The following GPR179 variants were observed in gnomAD, a reference collection of about 807,000 sequenced individuals.
The protein encoded by GPR179 is G protein-coupled receptor 179.
Under a neutral mutation model 70.8 loss-of-function variants are expected in GPR179, and 52 were observed. That is an observed-to-expected ratio of 0.73 (90% CI 0.59 to 0.93). The LOEUF (loss-of-function observed/expected upper bound fraction) is 0.93. GPR179 is among the 40% of genes least tolerant of loss of function. GPR179 has a pLI of 0.00. For synonymous variants in GPR179, 1,123 were observed against 1,169.0 expected (o/e 0.96, Z 0.80); for missense variants, 2,734 against 2,966.8 (o/e 0.92, Z 1.82).
Position 38,326,815 on chromosome 17 carries a change from C to T in GPR179, c.6754G>A (p.Glu2252Lys), listed in dbSNP as rs752903433. Residue 2252 changes from glutamate to lysine, a missense_variant, in exon 11 of 11, where the codon GAG becomes AAG. Transcript: ENST00000616987. ...GTTAAAGCCAGGAGGCCAGATTCCT[C>T]AGATGGGACTCCAGTTTCCTCCCCA... ...CPGEETGVPS[E>K]ESGLLALTAT... is the part of the protein sequence containing the mutation. 2.5e-6 allele frequency: 4 copies of T among 1,614,106 alleles called. No individual in the cohort carries two copies. Among genetic ancestry groups the T allele is most frequent in the Admixed American group, 1.7e-5 (1 of 60,014 alleles).
Position 38,328,579 on chromosome 17 carries a change from G to A in GPR179, c.4990C>T (p.Arg1664Cys), listed in dbSNP as rs200622631. ...VDPGSFSPQP[R>C]PQDTERPQTL... Reference sequence around the variant, plus strand: ...TGGGGTCTCTCTGTGTCTTGAGGACGTGGTTGTGGGGAGAAGCTGCCAGGG... The same window carrying A: ...TGGGGTCTCTCTGTGTCTTGAGGACATGGTTGTGGGGAGAAGCTGCCAGGG... Residue 1664 changes from arginine to cysteine, a missense_variant, in exon 11 of 11, where the codon CGT becomes TGT. Physicochemically the swap from Arg to Cys is radical, Grantham distance 180. Transcript: ENST00000616987. 1.7e-4 allele frequency: 268 copies of A among 1,614,122 alleles called. 1 individual carries two copies. The Middle Eastern group carries it at 2.3e-3, about 14-fold the overall frequency.
Position 38,329,222 on chromosome 17 carries a change from T to C in GPR179, c.4347A>G (p.Ser1449=). The change falls in exon 11 of 11, where the codon TCA becomes TCG. Residue 1449 remains serine (S), a synonymous_variant. Coordinates refer to ENST00000616987, the MANE Select transcript of GPR179 (RefSeq NM_001004334.4). ...SAVSIQAPGS[S]ECSGSLGSGI... ...CACTGCCCAAACTCCCTGAACACTCTGAGCTTCCTGGGGCCTGAATTGAGA... is the reference window on the plus strand; with the variant it reads ...CACTGCCCAAACTCCCTGAACACTCCGAGCTTCCTGGGGCCTGAATTGAGA... 6.2e-7 allele frequency: 1 copy of C among 1,613,920 alleles called. No individual in the cohort carries two copies. The highest frequency in any genetic ancestry group is 1.1e-5 in the South Asian group (1 of 91,026).
chr17:38,335,889 A>G (rs1307695805), intron 5 of GPR179, among the ~76,000 whole-genome samples, 187 bp downstream of exon 5: 1 of 152,216 alleles, frequency 6.6e-6, no homozygotes, highest in Non-Finnish European at 1.5e-5. Context: ...CAAGTCACAG[A>G]GCTCCTAATA....
chr17:38,328,010 A>G lies in GPR179; in HGVS notation c.5559T>C (p.Thr1853=), dbSNP rs754251603. 1.9e-6 allele frequency: 3 copies of G among 1,614,084 alleles called. No individual in the cohort carries two copies. Among genetic ancestry groups the G allele is most frequent in the South Asian group, 2.2e-5 (2 of 91,072 alleles). ...REKALEKGRL[T]SLGEDVSKGM... ...CTTTTGATACGTCTTCTCCCAGGGA[A>G]GTGAGTCTCCCCTTTTCTAGAGCTT... The change falls in exon 11 of 11, where the codon ACT becomes ACC. Residue 1853 remains threonine, a synonymous_variant. Coordinates refer to ENST00000616987, the MANE Select transcript of GPR179 (RefSeq NM_001004334.4).
intron 6 of GPR179, 137 bp downstream of exon 6, chr17:38,335,454 A>G: frequency 1.3e-6 from 1 of 769,268 alleles, no homozygotes; most frequent in Non-Finnish European, 2.2e-6. Context: ...AGACAAGGCT[A>G]TGGTGATGGG....
rs944624145 is a variant in GPR179 at position 38,326,483 on chromosome 17, A to G, written c.7086T>C (p.Tyr2362=). Residue 2362 remains tyrosine, a synonymous_variant, in exon 11 of 11, where the codon TAT becomes TAC. Coordinates refer to ENST00000616987, the MANE Select transcript of GPR179 (RefSeq NM_001004334.4). ...QYEEFTPPTV[Y]PWDWE ...AAGGCTGTTACTCCCAATCCCAAGGATAGACAGTGGGAGGGGTGAATTCTT... is the reference window on the plus strand; with the variant it reads ...AAGGCTGTTACTCCCAATCCCAAGGGTAGACAGTGGGAGGGGTGAATTCTT... The G allele has an allele frequency of 6.2e-7, 1 of 1,608,544 alleles. No homozygotes were observed. The highest frequency in any genetic ancestry group is 8.5e-7 in the Non-Finnish European group (1 of 1,175,778).
Position 38,334,629 on chromosome 17 carries a change from G to A in GPR179, c.1784+75C>T. 1.3e-6 allele frequency: 2 copies of A among 1,547,044 alleles called. No individual in the cohort carries two copies. Among genetic ancestry groups the A allele is most frequent in the Non-Finnish European group, 1.8e-6 (2 of 1,126,818 alleles). Reference sequence around the variant, plus strand: ...AGTGTTGCCAGGATGGCATGGGATGGGGGCACCTCACCTGGGAGAGGTGAG... The same window carrying A: ...AGTGTTGCCAGGATGGCATGGGATGAGGGCACCTCACCTGGGAGAGGTGAG... On this transcript the variant is annotated intron_variant, in intron 8 of 10. Coordinates refer to ENST00000616987, the MANE Select transcript of GPR179 (RefSeq NM_001004334.4). The surrounding 1 kb of genome is among the most constrained non-coding windows in gnomAD (Gnocchi z 4.7).
Position 38,334,935 on chromosome 17 carries a change from G to C in GPR179, c.1646-93C>G, listed in dbSNP as rs1030916472. The C allele has an allele frequency of 1.3e-6, 2 of 1,591,296 alleles. No homozygotes were observed. The highest frequency in any genetic ancestry group is 8.6e-7 in the Non-Finnish European group (1 of 1,163,930). On this transcript the variant is annotated intron_variant, in intron 7 of 10. Coordinates refer to ENST00000616987, the MANE Select transcript of GPR179 (RefSeq NM_001004334.4). This position sits in a 1 kb window ranked among gnomAD's most constrained non-coding sequence, Gnocchi z 4.7. The stretch of plus-strand genomic sequence containing the variant: ...GATGTGCTGGGGGGAGCCTGGGCTC[G>C]GGGTCTGGGGACAAGTCAGGAGAAC...
At position 38,331,259 on chromosome 17, in the gene GPR179, C is replaced by T; in HGVS notation, c.2310G>A (p.Lys770=). Residue 770 remains lysine (K), a synonymous_variant, in exon 11 of 11, where the codon AAG becomes AAA. Coordinates refer to ENST00000616987, the MANE Select transcript of GPR179 (RefSeq NM_001004334.4). The part of the protein sequence containing the change: ...QEPEGTPALH[K]SRSTYDQRRE... ...TGCGCTGGTCATAGGTGCTGCGGGACTTGTGCAGAGCTGGTGTCCCCTCGG... is the reference window on the plus strand; with the variant it reads ...TGCGCTGGTCATAGGTGCTGCGGGATTTGTGCAGAGCTGGTGTCCCCTCGG... The T allele has an allele frequency of 6.3e-7, 1 of 1,589,900 alleles. No homozygotes were observed. The highest frequency in any genetic ancestry group is 8.6e-7 in the Non-Finnish European group (1 of 1,168,964).
chr17:38,327,928 A>AG lies in GPR179; in HGVS notation c.5640dup (p.Arg1882GlufsTer19), dbSNP rs1173572316. The AG allele has an allele frequency of 6.2e-7, 1 of 1,614,156 alleles. No individual in the cohort carries two copies. Among genetic ancestry groups the AG allele is most frequent in the South Asian group, 1.1e-5 (1 of 91,080 alleles). ...GGGGCCTGAGCAGGGGATTCCCTCA[A>AG]GTCCTTGTTCTCCCAAATACAAATA... On this transcript the variant is annotated frameshift_variant, in exon 11 of 11. Transcript: ENST00000616987. LOFTEE classifies it low-confidence loss of function (END_TRUNC).
intron 1 of GPR179, among the ~76,000 whole-genome samples, chr17:38,342,094 G>A (rs2037453419): frequency 6.6e-6 from 1 of 151,976 alleles, no homozygotes; most frequent in Admixed American, 6.6e-5. Context: ...TATAGCCTGG[G>A]CGACAGAGCG....
rs143331670 is a variant in GPR179, at chr17:38,334,056, C to T, written c.1785-18G>A. The T allele has an allele frequency of 2.5e-4, 385 of 1,564,410 alleles. 1 individual carries two copies. Among genetic ancestry groups the T allele is most frequent in the Middle Eastern group, 2.2e-3 (13 of 5,956 alleles). On this transcript the variant is annotated intron_variant, in intron 8 of 10. Coordinates refer to ENST00000616987, the MANE Select transcript of GPR179 (RefSeq NM_001004334.4). This position sits in a 1 kb window ranked among gnomAD's most constrained non-coding sequence, Gnocchi z 4.7. ...GCACAAACCTGGGGCGGGATAGGGG[C>T]GCAGGTCATTACTGCAGGCAGGAGT...
In GPR179 at chr17:38,329,390, T is replaced by C; in HGVS notation, c.4179A>G (p.Lys1393=). The C allele has an allele frequency of 6.2e-7, 1 of 1,614,108 alleles. No individual in the cohort carries two copies. The highest frequency in any genetic ancestry group is 8.5e-7 in the Non-Finnish European group (1 of 1,180,012). ...WEASEGGEDG[K]PAQEAVKDLP... is the part of the protein sequence containing the mutation. ...GATCCTTCACTGCCTCTTGGGCTGG[T>C]TTCCCATCCTCGCCTCCTTCACTTG... The change falls in exon 11 of 11, where the codon AAA becomes AAG. Residue 1393 remains lysine (K), a synonymous_variant. Coordinates refer to ENST00000616987, the MANE Select transcript of GPR179 (RefSeq NM_001004334.4).
Position 38,343,163 on chromosome 17 carries a change from G to A in GPR179, c.627C>T (p.Leu209=), listed in dbSNP as rs143660134. ...KRVLTNDLGS[L]GSPKWPQADG... ...CTGCCTGCGGCCACTTGGGGCTGCC[G>A]AGGCTCCCTAGGTCATTGGTCAACA... Residue 209 remains leucine, a synonymous_variant, in exon 1 of 11, where the codon CTC becomes CTT. Transcript: ENST00000616987. The surrounding 1 kb of genome is among the most constrained non-coding windows in gnomAD (Gnocchi z 4.2). The A allele has an allele frequency of 2.1e-4, 337 of 1,614,106 alleles. 1 individual carries two copies. In the East Asian group the frequency reaches 6.8e-3, roughly 32 times the overall value.
In GPR179 at chr17:38,334,632, G is replaced by T; in HGVS notation, c.1784+72C>A. Reference sequence around the variant, plus strand: ...GTTGCCAGGATGGCATGGGATGGGGGCACCTCACCTGGGAGAGGTGAGGAG... The same window carrying T: ...GTTGCCAGGATGGCATGGGATGGGGTCACCTCACCTGGGAGAGGTGAGGAG... On this transcript the variant is annotated intron_variant, in intron 8 of 10. Transcript: ENST00000616987. The surrounding 1 kb of genome is among the most constrained non-coding windows in gnomAD (Gnocchi z 4.7). 6.5e-7 allele frequency: 1 copy of T among 1,545,660 alleles called. No homozygotes were observed. Among genetic ancestry groups the T allele is most frequent in the South Asian group, 1.1e-5 (1 of 88,672 alleles).
chr17:38,324,571 T>C lies in GPR179; in HGVS notation c.*1894A>G, dbSNP rs755691609. ...GAATAAGCTAGAGCCAACTGCAATG[T>C]CAAGAAAAAGCATTCTTTATTTCCG... On this transcript the variant is annotated 3_prime_UTR_variant, in exon 11 of 11. Transcript: ENST00000616987. Among the ~76,000 whole-genome samples the C allele has an allele frequency of 1.2e-4, 18 of 152,342 alleles. No homozygotes were observed. The highest frequency in any genetic ancestry group is 2.4e-4 in the Non-Finnish European group (16 of 68,030).
intron 6 of GPR179, 72 bp from the exon 7 acceptor site, chr17:38,335,343 G>C: frequency 4.3e-6 from 5 of 1,174,548 alleles, no homozygotes; most frequent in Non-Finnish European, 6.1e-6. Context: ...CCAGCGCCCT[G>C]GTCTCTGTCC....
intron 4 of GPR179, 81 bp from the exon 5 acceptor site, chr17:38,336,225 C>G: frequency 2.0e-5 from 19 of 943,096 alleles, no homozygotes; most frequent in Non-Finnish European, 3.0e-5. Context: ...AACGGTCACT[C>G]AGTGACCCTG....
In GPR179 at chr17:38,328,850, AC is replaced by A. The variant is rs2037319547; in HGVS notation, c.4718del (p.Cys1573PhefsTer25). 8 of 1,613,412 alleles carry A rather than the reference AC, an allele frequency of 5.0e-6. No homozygotes were observed. Among genetic ancestry groups the A allele is most frequent in the Non-Finnish European group, 6.8e-6 (8 of 1,179,922 alleles). On this transcript the variant is annotated frameshift_variant, in exon 11 of 11. Coordinates refer to ENST00000616987, the MANE Select transcript of GPR179 (RefSeq NM_001004334.4). LOFTEE classifies it low-confidence loss of function (END_TRUNC). ...CNGGSRATQV[C>X]PQEDLRPEAQ... ...CCTCCGGCCTGAGATCTTCCTGTGGACACACCTGCGTTGCTCTGCTTCCTCC... is the reference window on the plus strand; with the variant it reads ...CCTCCGGCCTGAGATCTTCCTGTGGAACACCTGCGTTGCTCTGCTTCCTCC...
Sources: gnomAD v4.1 joint callset for allele counts (sites outside exome capture counted in the v4.1 genomes callset) on GRCh38, gnomAD v4.1.1 for gene constraint, Gnocchi (gnomAD v3.1) non-coding constraint, MANE v1.5 for transcripts, NCBI Gene and HGNC (gene_info 2026-07-23, HGNC 2026-07-21) for gene names.